Variants in DHX15 observed in about 807,000 individuals in gnomAD.
DHX15 encodes the protein ATP-dependent RNA helicase DHX15.
DHX15 carries 11 observed loss-of-function variants against 94.4 expected under a neutral mutation model. The observed-to-expected ratio is 0.12, with a 90% CI of 0.07 to 0.19. The LOEUF is 0.19. Among genes scored for constraint, DHX15 ranks in the 10% least tolerant of loss-of-function variants. The pLI, the probability that DHX15 is intolerant of heterozygous loss-of-function variation, is 1.00. For missense variants in DHX15, 304 were observed against 988.5 expected, an observed-to-expected ratio of 0.31 and a Z score of 9.29; for synonymous variants, 338 against 329.9, an observed-to-expected ratio of 1.02 and a Z score of -0.27.
At chr4:24,545,979 T>G (rs540661941) in intron 6 of DHX15, among the ~76,000 whole-genome samples, 10 of 152,286 alleles carry the variant, frequency 6.6e-5, no homozygotes, top group Admixed American at 5.9e-4. Context: ...ATAACCTGCC[T>G]TCTAATAGAA....
chr4:24,563,622 A>T (rs1721930195), intron 3 of DHX15, among the ~76,000 whole-genome samples: 1 of 152,230 alleles, frequency 6.6e-6, no homozygotes, highest in Admixed American at 6.5e-5. Context: ...ATGATTTAAA[A>T]CATAATTTTT....
At chr4:24,550,610 C>T (rs181083624) in intron 5 of DHX15, among the ~76,000 whole-genome samples, 4 of 152,166 alleles carry the variant, frequency 2.6e-5, no homozygotes, top group Admixed American at 6.5e-5. Flanking sequence ...TCCACCTTAA[C>T]GTATTAACCC....
intron 6 of DHX15, among the ~76,000 whole-genome samples, chr4:24,548,223 ACCTCCGCCT>A (rs958716193): frequency 6.7e-6 from 1 of 148,682 alleles, no homozygotes; most frequent in African/African-American, 2.5e-5. Context: ...GCTCACTGCA[ACCTCCGCCT>A]CTAGGGTTCA....
At position 24,576,588 on chromosome 4, in the gene DHX15, C is replaced by T. The variant is rs775377023; in HGVS notation, c.162G>A (p.Glu54=). ...RDRGDRERER[E]KEKEKELRAS... ...CTCGCAACTCCTTCTCCTTTTCTTT[C>T]TCCCTCTCTCGCTCTCTATCTCCTC... Residue 54 remains glutamate, a synonymous_variant, in exon 2 of 14, where the codon GAG becomes GAA. Transcript: ENST00000336812. The T allele has an allele frequency of 9.9e-6, 16 of 1,614,032 alleles. No homozygotes were observed. Among genetic ancestry groups the T allele is most frequent in the Middle Eastern group, 3.3e-4 (2 of 6,084 alleles).
chr4:24,563,928 G>A (rs1056906270), intron 3 of DHX15, among the ~76,000 whole-genome samples: 13 of 152,014 alleles, frequency 8.6e-5, no homozygotes, highest in Admixed American at 2.0e-4. Flanking sequence ...TTAGCCGGGC[G>A]TGGTGGTGGG....
chr4:24,528,395 A>G (rs1388007197), intron 13 of DHX15, among the ~76,000 whole-genome samples: 1 of 152,220 alleles, frequency 6.6e-6, no homozygotes, highest in African/African-American at 2.4e-5. Flanking sequence ...GGTTCTGTGT[A>G]GGAAACATCG....
chr4:24,580,844 C>A (rs1178716450), intron 1 of DHX15: 1 of 151,696 alleles, frequency 6.6e-6, no homozygotes, highest in Non-Finnish European at 1.5e-5. Context: ...ATCCGTCAAT[C>A]TTATTTCCAG....
At chr4:24,583,600 C>CT (rs896349731) in intron 1 of DHX15, among the ~76,000 whole-genome samples, 3 of 152,064 alleles carry the variant, frequency 2.0e-5, no homozygotes, top group African/African-American at 7.2e-5. Context: ...CTAGTATCTA[C>CT]TTTGAAGTGT....
chr4:24,558,067 T>C (rs1470689766), intron 3 of DHX15, among the ~76,000 whole-genome samples: 3 of 152,156 alleles, frequency 2.0e-5, no homozygotes, highest in Non-Finnish European at 4.4e-5. Flanking sequence ...TCCCAGCCTC[T>C]TGATACTCAG....
At chr4:24,574,205 C>CAAAACAAAAAAAAAAAA in intron 2 of DHX15, among the ~76,000 whole-genome samples, 1 of 68,876 alleles carries the variant, frequency 1.5e-5, no homozygotes. Context: ...GACTTTGTCT[C>CAAAACAAAAAAAAAAAA]AAAAAAAAAA....
In DHX15 at chr4:24,547,930, T is replaced by C. The variant is rs1721477729; in HGVS notation, c.1248+925A>G. On this transcript the variant is annotated intron_variant, in intron 6 of 13. Transcript: ENST00000336812. ...ATATATATATATATATATATATATA[T>C]ATATATATATATCTATATCTATATC... Among the ~76,000 whole-genome samples the C allele has an allele frequency of 5.4e-5, 3 of 55,140 alleles. No homozygotes were observed. In the Admixed American group the frequency reaches 9.1e-4, roughly 17 times the overall value. 36.2% of individuals were successfully genotyped at this position (55,140 alleles called of 152,430 possible).
chr4:24,576,455 G>A lies in DHX15; in HGVS notation c.295C>T (p.His99Tyr), dbSNP rs1229875146. ...CCTGCATGTCCGGCATGCGTTGAATGAGCAGAATGTGTTGAATGCGTTGAA... is the reference window on the plus strand; with the variant it reads ...CCTGCATGTCCGGCATGCGTTGAATAAGCAGAATGTGTTGAATGCGTTGAA... ...AHSTHSTHSAHSTHAGHAGHT... is the reference protein window; with the variant it reads ...AHSTHSTHSAYSTHAGHAGHT... The change falls in exon 2 of 14, where the codon CAT (histidine) becomes TAT (tyrosine). Residue 99 changes from histidine (H) to tyrosine (Y), a missense_variant. Around this residue, in one of 9 missense-constraint regions of DHX15, gnomAD observed 143 missense variants for 200.5 expected, o/e 0.71. Transcript: ENST00000336812. 3 of 1,614,218 alleles carry A rather than the reference G, an allele frequency of 1.9e-6. No individual in the cohort carries two copies. The highest frequency in any genetic ancestry group is 2.5e-6 in the Non-Finnish European group (3 of 1,180,042).
rs537434037 is a variant in DHX15, at chr4:24,584,329, G to A, written c.65C>T (p.Thr22Ile). The change falls in exon 1 of 14, where the codon ACC becomes ATC. Residue 22 changes from threonine (T) to isoleucine (I), a missense_variant. Thr to Ile is a moderately conservative substitution (Grantham distance 89). Around this residue, in one of 9 missense-constraint regions of DHX15, gnomAD observed 143 missense variants for 200.5 expected, o/e 0.71. Coordinates refer to ENST00000336812, the MANE Select transcript of DHX15 (RefSeq NM_001358.3). ...CGCCCCCGGCCTGGCTTACCCATCG[G>A]TCCCCGCACGCTTCTTGCCAGAGGG... Reference protein sequence around the residue: ...DYPSGKKRAGTDGKDRDRDRD... With the variant: ...DYPSGKKRAGIDGKDRDRDRD... The A allele has an allele frequency of 4.0e-5, 64 of 1,612,384 alleles. No homozygotes were observed. The South Asian group carries it at 6.3e-4, about 16-fold the overall frequency.
chr4:24,540,353 G>GACAAAGT (rs202140718), intron 9 of DHX15, 54 bp from the exon 10 acceptor site: 32,919 of 1,461,016 alleles, frequency 0.023, 645 homozygotes, highest in South Asian at 0.059. Context: ...GCAAAAATGT[G>GACAAAGT]ACAAAGTACA....
intron 10 of DHX15, chr4:24,538,745 T>A (rs189805974): frequency 1.4e-3 from 209 of 150,414 alleles, no homozygotes; most frequent in African/African-American, 4.9e-3. Flanking sequence ...AAGTTTTTTT[T>A]AATTACAAAT....
intron 1 of DHX15, among the ~76,000 whole-genome samples, chr4:24,581,416 G>C (rs190575506): frequency 6.6e-6 from 1 of 152,264 alleles, no homozygotes; most frequent in East Asian, 1.9e-4. Flanking sequence ...AATAACACGC[G>C]TTGATCCCAC....
intron 3 of DHX15, chr4:24,563,154 T>C (rs1172866674): frequency 6.6e-6 from 1 of 150,834 alleles, no homozygotes; most frequent in Non-Finnish European, 1.5e-5. Context: ...ATATAATCTA[T>C]ATATAAGAAA....
chr4:24,533,181 T>G (rs1721124098), intron 11 of DHX15, 127 bp from the exon 12 acceptor site: 1 of 838,366 alleles, frequency 1.2e-6, no homozygotes, highest in African/African-American at 1.7e-5. Flanking sequence ...ACCCACAACA[T>G]TTTCTTTAAA....
At chr4:24,536,667 T>C (rs192531809) in intron 11 of DHX15, among the ~76,000 whole-genome samples, 6 of 152,314 alleles carry the variant, frequency 3.9e-5, no homozygotes, top group Admixed American at 2.6e-4. Flanking sequence ...TATTTTGGTG[T>C]AAAAAGTTCT....
Sources: allele counts gnomAD v4.1 joint callset (sites outside exome capture counted in the v4.1 genomes callset), GRCh38; gene constraint gnomAD v4.1.1; regional missense constraint gnomAD v4.1.1; transcripts MANE v1.5; gene names NCBI Gene and HGNC (gene_info 2026-07-23, HGNC 2026-07-21).